The following TMEM201 variants were observed in gnomAD, a reference collection of about 807,000 sequenced individuals.
TMEM201 encodes transmembrane protein 201.
A neutral mutation model predicts 63.4 loss-of-function variants in TMEM201; 26 were observed. The observed-to-expected ratio is 0.41, with a 90% confidence interval of 0.30 to 0.57. The LOEUF (loss-of-function observed/expected upper bound fraction) is 0.57. Among genes scored for constraint, TMEM201 ranks in the 20% least tolerant of loss-of-function variants. TMEM201 has a pLI of 0.29. For synonymous variants in TMEM201, 417 were observed against 421.6 expected (o/e 0.99, Z 0.14); for missense variants, 794 against 917.7 (o/e 0.87, Z 1.74).
At position 9,595,937 on chromosome 1, in the gene TMEM201, A is replaced by T. The variant is rs770466618; in HGVS notation, c.161A>T (p.Asp54Val). ...TMVNCWFCNQ[D>V]TLVPYGNRNC... ...GTCAACTGCTGGTTCTGCAACCAGGATACGCTGGTGCCCTATGGGAACCGC... is the reference window on the plus strand; with the variant it reads ...GTCAACTGCTGGTTCTGCAACCAGGTTACGCTGGTGCCCTATGGGAACCGC... The change falls in exon 2 of 11, where the codon GAT becomes GTT. Residue 54 changes from aspartate (D) to valine (V), a missense_variant. Physicochemically the swap from Asp to Val is radical, Grantham distance 152. Transcript: ENST00000340381. 1 of 1,613,696 alleles carries T rather than the reference A, an allele frequency of 6.2e-7. No homozygotes were observed. Among genetic ancestry groups the T allele is most frequent in the Non-Finnish European group, 8.5e-7 (1 of 1,179,992 alleles).
At chr1:9,593,122 G>T (rs533030228) in intron 1 of TMEM201, among the ~76,000 whole-genome samples, 3 of 152,330 alleles carry the variant, frequency 2.0e-5, no homozygotes, top group East Asian at 3.9e-4. Context: ...GCAAAAACAG[G>T]GTCCAGCCTA....
Position 9,588,988 on chromosome 1 carries a change from CT to C in TMEM201, c.59del (p.Leu20ArgfsTer20). ...RCPTAGLAGGLGVTACAAAGV... is the reference protein window; with the variant it reads ...RCPTAGLAGGXGVTACAAAGV... ...CCCCACGGCCGGCCTGGCCGGCGGCCTGGGGGTCACGGCGTGCGCCGCGGCC... is the reference window on the plus strand; with the variant it reads ...CCCCACGGCCGGCCTGGCCGGCGGCCGGGGGTCACGGCGTGCGCCGCGGCC... On this transcript the variant is annotated frameshift_variant, in exon 1 of 11. Coordinates refer to ENST00000340381, the MANE Select transcript of TMEM201 (RefSeq NM_001130924.3). LOFTEE classifies it high-confidence loss of function. 1 of 1,221,130 alleles carries C rather than the reference CT, an allele frequency of 8.2e-7. No homozygotes were observed. The highest frequency in any genetic ancestry group is 1.9e-5 in the South Asian group (1 of 52,590). The allele number at this position is 1,221,130 out of a possible 1,614,324, so 75.6% of individuals were successfully genotyped here.
Position 9,595,789 on chromosome 1 carries a change from C to T in TMEM201, c.114-101C>T, listed in dbSNP as rs1323138937. 1.1e-5 allele frequency: 17 copies of T among 1,556,692 alleles called. No homozygotes were observed. In the South Asian group the frequency reaches 1.2e-4, roughly 11 times the overall value. On this transcript the variant is annotated intron_variant, in intron 1 of 10. Coordinates refer to ENST00000340381, the MANE Select transcript of TMEM201 (RefSeq NM_001130924.3). ...CATCCCCAGATCCCAGATCCCACTC[C>T]CAGCACCCTTTCCCTGGTGGCCCTG...
In TMEM201 at chr1:9,597,065, T is replaced by A; in HGVS notation, c.429+12T>A. ...CTCCCCGCGAGGAGGTGAGGCCGGGTTGGGAGGGCAGGGGTCCTGGCTGGG... is the reference window on the plus strand; with the variant it reads ...CTCCCCGCGAGGAGGTGAGGCCGGGATGGGAGGGCAGGGGTCCTGGCTGGG... On this transcript the variant is annotated intron_variant, in intron 3 of 10. Coordinates refer to ENST00000340381, the MANE Select transcript of TMEM201 (RefSeq NM_001130924.3). The A allele has an allele frequency of 6.3e-7, 1 of 1,592,380 alleles. No homozygotes were observed. Among genetic ancestry groups the A allele is most frequent in the Non-Finnish European group, 8.6e-7 (1 of 1,166,190 alleles).
chr1:9,614,656 A>G lies in TMEM201; in HGVS notation c.*1573A>G, dbSNP rs771144916. ...TTTATTTTTTGCTTAATCAAACTCC[A>G]TTCCCAAATGCACTCCATCTCTGGC... On this transcript the variant is annotated 3_prime_UTR_variant, in exon 11 of 11. Transcript: ENST00000340381. 1.3e-5 allele frequency: 2 copies of G among 151,954 alleles called. No homozygotes were observed. The highest frequency in any genetic ancestry group is 2.9e-5 in the Non-Finnish European group (2 of 67,988). The allele number at this position is 151,954 out of a possible 1,614,324, so 9.4% of individuals were successfully genotyped here. A position where few individuals can be genotyped will look rare whatever the true frequency, so the allele number is the denominator to read the frequency against.
chr1:9,613,058 T>A lies in TMEM201; in HGVS notation c.1976T>A (p.Val659Glu). ...GCCGCCAACGCCCTGTTCACCTCGG[T>A]GTTTCTGTACCAGAGCCTGCGCTGA... ...SLAANALFTS[V>E]FLYQSLR Residue 659 changes from valine to glutamate, a missense_variant, in exon 11 of 11, where the codon GTG becomes GAG. Val to Glu is a moderately radical substitution (Grantham distance 121, BLOSUM62 -2). Transcript: ENST00000340381. The A allele has an allele frequency of 1.3e-6, 2 of 1,551,232 alleles. No individual in the cohort carries two copies. Among genetic ancestry groups the A allele is most frequent in the Non-Finnish European group, 1.7e-6 (2 of 1,146,992 alleles).
rs1644302278 is a variant in TMEM201, at chr1:9,610,172, AG to A, written c.1465+262del. 6.6e-6 allele frequency among the ~76,000 whole-genome samples: 1 copy of A among 152,148 alleles called. No individual in the cohort carries two copies. The highest frequency in any genetic ancestry group is 2.4e-5 in the African/African-American group (1 of 41,434). On this transcript the variant is annotated intron_variant, in intron 8 of 10. Transcript: ENST00000340381. The surrounding 1 kb of genome is among the most constrained non-coding windows in gnomAD (Gnocchi z 4.9). ...GGCTGGAACTGGTGCACCAGGTGCCAGCTGGCAGCAAGGCCTCGGGTGAGCT... is the reference window on the plus strand; with the variant it reads ...GGCTGGAACTGGTGCACCAGGTGCCACTGGCAGCAAGGCCTCGGGTGAGCT...
At chr1:9,597,078 G>A (rs764806536) in intron 3 of TMEM201, 25 bp downstream of exon 3, 2 of 1,584,578 alleles carry the variant, frequency 1.3e-6, no homozygotes, top group African/African-American at 1.3e-5. Flanking sequence ...GGAGGGCAGG[G>A]GTCCTGGCTG....
Position 9,603,154 on chromosome 1 carries a change from C to T in TMEM201, c.1160+882C>T. The stretch of plus-strand genomic sequence containing the variant: ...ACCTGTCACGAGCCTCTGCAGGTGC[C>T]TGCTCACCATGGCCCAGCGCCACTC... On this transcript the variant is annotated intron_variant, in intron 6 of 10. Transcript: ENST00000340381. The surrounding 1 kb of genome is among the most constrained non-coding windows in gnomAD (Gnocchi z 4.5). The T allele has an allele frequency of 3.0e-6, 3 of 985,570 alleles. No homozygotes were observed. Among genetic ancestry groups the T allele is most frequent in the Non-Finnish European group, 3.6e-6 (3 of 830,034 alleles). The allele number at this position is 985,570 out of a possible 1,614,324, so 61.1% of individuals were successfully genotyped here. A position where few individuals can be genotyped will look rare whatever the true frequency, so the allele number is the denominator to read the frequency against.
rs1426147297 is a variant in TMEM201, at chr1:9,588,994, G to A, written c.64G>A (p.Val22Ile). The A allele has an allele frequency of 5.8e-6, 7 of 1,200,378 alleles. No homozygotes were observed. Among genetic ancestry groups the A allele is most frequent in the Admixed American group, 4.6e-5 (1 of 21,866 alleles). The allele number at this position is 1,200,378 out of a possible 1,614,324, so 74.4% of individuals were successfully genotyped here. A position where few individuals can be genotyped will look rare whatever the true frequency, so the allele number is the denominator to read the frequency against. The change falls in exon 1 of 11, where the codon GTC (valine) becomes ATC (isoleucine). Residue 22 changes from valine (V) to isoleucine (I), a missense_variant. Physicochemically the swap from Val to Ile is conservative, Grantham distance 29. Transcript: ENST00000340381. Reference sequence around the variant, plus strand: ...GGCCGGCCTGGCCGGCGGCCTGGGGGTCACGGCGTGCGCCGCGGCCGGCGT... The same window carrying A: ...GGCCGGCCTGGCCGGCGGCCTGGGGATCACGGCGTGCGCCGCGGCCGGCGT... ...PTAGLAGGLG[V>I]TACAAAGVLL...
chr1:9,603,860 C>T lies in TMEM201; in HGVS notation c.1160+1588C>T, dbSNP rs1167194426. The T allele has an allele frequency of 5.1e-6, 5 of 985,340 alleles. No individual in the cohort carries two copies. Among genetic ancestry groups the T allele is most frequent in the Non-Finnish European group, 6.0e-6 (5 of 829,964 alleles). 61.0% of individuals were successfully genotyped at this position (985,340 alleles called of 1,614,324 possible). A position where few individuals can be genotyped will look rare whatever the true frequency, so the allele number is the denominator to read the frequency against. On this transcript the variant is annotated intron_variant, in intron 6 of 10. Transcript: ENST00000340381. The surrounding 1 kb of genome is among the most constrained non-coding windows in gnomAD (Gnocchi z 4.5). ...TGCGTGGCTTCAGACAAGGCCCCAG[C>T]GTTACTGGGCTCAGCTTGTTGTTCT...
At position 9,609,894 on chromosome 1, in the gene TMEM201, G is replaced by C; in HGVS notation, c.1448G>C (p.Gly483Ala). 6.4e-7 allele frequency: 1 copy of C among 1,551,440 alleles called. No individual in the cohort carries two copies. Among genetic ancestry groups the C allele is most frequent in the South Asian group, 1.2e-5 (1 of 84,046 alleles). Reference sequence around the variant, plus strand: ...CCACCATCTCAGGTGTCTCGATCTGGGGAGTTTCCTGTTTCAGGTGAGGAA... The same window carrying C: ...CCACCATCTCAGGTGTCTCGATCTGCGGAGTTTCCTGTTTCAGGTGAGGAA... ...SRPPSQVSRS[G>A]EFPVSDYFSL... Residue 483 changes from glycine (G) to alanine (A), a missense_variant, in exon 8 of 11, where the codon GGG becomes GCG. By Grantham distance (60) the Gly-to-Ala change is moderately conservative (BLOSUM62 0). Coordinates refer to ENST00000340381, the MANE Select transcript of TMEM201 (RefSeq NM_001130924.3).
At chr1:9,609,408 G>A (rs1478069990) in intron 7 of TMEM201, among the ~76,000 whole-genome samples, 1 of 152,240 alleles carries the variant, frequency 6.6e-6, no homozygotes, top group Non-Finnish European at 1.5e-5. Context: ...CGAGAGAACA[G>A]GCAGTTGGGG....
chr1:9,612,012 C>G, intron 10 of TMEM201, 122 bp downstream of exon 10: 1 of 1,205,240 alleles, frequency 8.3e-7, no homozygotes. Flanking sequence ...CCCTGAGTGG[C>G]CGACAAGTAA....
intron 1 of TMEM201, among the ~76,000 whole-genome samples, chr1:9,589,330 C>T (rs1046607557): frequency 6.6e-6 from 1 of 152,064 alleles, no homozygotes. Context: ...GGAGCCGGTG[C>T]GCACGGGCCG....
chr1:9,613,166 G>T lies in TMEM201; in HGVS notation c.*83G>T. 1 of 1,363,094 alleles carries T rather than the reference G, an allele frequency of 7.3e-7. No individual in the cohort carries two copies. Among genetic ancestry groups the T allele is most frequent in the Admixed American group, 2.0e-5 (1 of 50,522 alleles). 84.4% of individuals were successfully genotyped at this position (1,363,094 alleles called of 1,614,324 possible). ...CGGCCTCAGGACCCTCCCTGGAGGG[G>T]CTGCCACCTCTGCCCTCATCTCCAG... On this transcript the variant is annotated 3_prime_UTR_variant, in exon 11 of 11. Transcript: ENST00000340381.
chr1:9,595,878 C>G lies in TMEM201; in HGVS notation c.114-12C>G. ...GTCTTCCAGGCCAACCCGCTCTTTC[C>G]TTGGTCCACAGGATGAAGCCAACGC... On this transcript the variant is annotated splice_polypyrimidine_tract_variant and intron_variant, in intron 1 of 10. Transcript: ENST00000340381. 6.2e-7 allele frequency: 1 copy of G among 1,612,924 alleles called. No homozygotes were observed. The highest frequency in any genetic ancestry group is 8.5e-7 in the Non-Finnish European group (1 of 1,179,938).
intron 1 of TMEM201, among the ~76,000 whole-genome samples, chr1:9,595,660 C>G (rs903108520): frequency 5.3e-5 from 8 of 152,170 alleles, no homozygotes; most frequent in African/African-American, 1.9e-4. Context: ...TGGCCGTGGC[C>G]TCCCTGTCTG....
chr1:9,599,691 C>T lies in TMEM201; in HGVS notation c.606+1066C>T, dbSNP rs182530701. ...AGACTGGAGTGCAGTGGCGTGATCT[C>T]GGCTCACTGCAAGCTCCGCCTCCCG... On this transcript the variant is annotated intron_variant, in intron 4 of 10. Transcript: ENST00000340381. Among the ~76,000 whole-genome samples, 451 of 152,194 alleles carry T rather than the reference C, an allele frequency of 3.0e-3. 4 individuals carry two copies. The highest frequency in any genetic ancestry group is 8.9e-3 in the African/African-American group (369 of 41,528).
Sources: gnomAD v4.1 joint callset for allele counts (sites outside exome capture counted in the v4.1 genomes callset) on GRCh38, gnomAD v4.1.1 for gene constraint, Gnocchi (gnomAD v3.1) non-coding constraint, MANE v1.5 for transcripts, NCBI Gene and HGNC (gene_info 2026-07-23, HGNC 2026-07-21) for gene names.